ABTB2: variants seen among roughly 807,000 people sequenced by gnomAD.
The protein encoded by ABTB2 is ankyrin repeat and BTB/POZ domain-containing protein 2.
Under a neutral mutation model 104.1 loss-of-function variants are expected in ABTB2, and 56 were observed. The ratio of observed to expected loss-of-function variants is 0.54; its 90% CI spans 0.43 to 0.67. ABTB2 has a LOEUF of 0.67. ABTB2 is among the 30% of genes least tolerant of loss of function. The pLI is 0.00. For missense variants in ABTB2, 1,279 were observed against 1,407.7 expected, an observed-to-expected ratio of 0.91 and a Z score of 1.46; for synonymous variants, 606 against 608.2, an observed-to-expected ratio of 1.00 and a Z score of 0.05.
intron 1 of ABTB2, among the ~76,000 whole-genome samples, chr11:34,299,748 C>T (rs1438374296): frequency 6.6e-6 from 1 of 152,222 alleles, no homozygotes; most frequent in Non-Finnish European, 1.5e-5. Flanking sequence ...TCATCTGGGG[C>T]TCCCAATCTG....
At chr11:34,294,950 G>A (rs977339626) in intron 1 of ABTB2, among the ~76,000 whole-genome samples, 13 of 151,552 alleles carry the variant, frequency 8.6e-5, no homozygotes, top group Admixed American at 2.0e-4. Context: ...TCCTGACCTC[G>A]TGATCCACCC....
rs571241150 is a variant in ABTB2, at chr11:34,210,130, A to G, written c.884-5440T>C. ...CTGGTGGACTGCACTTTGGGATGAC[A>G]AGCCAGACTTCTAAAGGGTTTTTAG... On this transcript the variant is annotated intron_variant, in intron 1 of 16. Coordinates refer to ENST00000435224, the MANE Select transcript of ABTB2 (RefSeq NM_145804.3). Among the ~76,000 whole-genome samples the G allele has an allele frequency of 1.1e-4, 17 of 152,240 alleles. No individual in the cohort carries two copies. In the South Asian group the frequency reaches 3.5e-3, roughly 32 times the overall value.
rs1296873237 is a variant in ABTB2 at position 34,159,368 on chromosome 11, G to C, written c.2625C>G (p.Thr875=). ...TGTCCCCATCCTGTTCTGATTTATT[G>C]GTCATTAGTGTCTTGAACCTGGAGC... ...TASNRFKTLM[T]NKSEQDGDSS... is the part of the protein sequence containing the mutation. Residue 875 remains threonine (T), a synonymous_variant, in exon 14 of 17, where the codon ACC becomes ACG. Coordinates refer to ENST00000435224, the MANE Select transcript of ABTB2 (RefSeq NM_145804.3). 4.3e-6 allele frequency: 7 copies of C among 1,613,636 alleles called. No individual in the cohort carries two copies. The highest frequency in any genetic ancestry group is 5.9e-6 in the Non-Finnish European group (7 of 1,179,656).
At chr11:34,273,429 G>T (rs1378856847) in intron 1 of ABTB2, among the ~76,000 whole-genome samples, 1 of 152,194 alleles carries the variant, frequency 6.6e-6, no homozygotes, top group Admixed American at 6.5e-5. Context: ...AGAGTAAGCT[G>T]GCAGGGGATG....
rs116023920 is a variant in ABTB2 at position 34,348,991 on chromosome 11, A to G, written c.883+7710T>C. On this transcript the variant is annotated intron_variant, in intron 1 of 16. Transcript: ENST00000435224. ...CTGGCACTCAGTGAGCAGTTGATTAATGATGCCGGCATGGCATTCCTCAGG... is the reference window on the plus strand; with the variant it reads ...CTGGCACTCAGTGAGCAGTTGATTAGTGATGCCGGCATGGCATTCCTCAGG... Among the ~76,000 whole-genome samples, 209 of 152,296 alleles carry G rather than the reference A, an allele frequency of 1.4e-3. 2 individuals carry two copies. The highest frequency in any genetic ancestry group is 4.9e-3 in the African/African-American group (202 of 41,568).
chr11:34,152,781 G>T (rs1326818688), intron 16 of ABTB2, among the ~76,000 whole-genome samples, 197 bp from the exon 17 acceptor site: 2 of 152,156 alleles, frequency 1.3e-5, no homozygotes, highest in Non-Finnish European at 2.9e-5. Flanking sequence ...TTTCCTGCCT[G>T]TGTCATACTG....
In ABTB2 at chr11:34,173,228, C is replaced by T. The variant is rs142265495; in HGVS notation, c.1324G>A (p.Val442Met). Residue 442 changes from valine to methionine, a missense_variant, in exon 4 of 17, where the codon GTG (valine) becomes ATG (methionine). By Grantham distance (21) the Val-to-Met change is conservative. Coordinates refer to ENST00000435224, the MANE Select transcript of ABTB2 (RefSeq NM_145804.3). ...TYAEHRRSLT[V>M]DSGDIRQAAR... ...GCCTGCCGGATGTCGCCGCTGTCCA[C>T]GGTGAGGCTGCGGCGGTGCTCTGCG... The T allele has an allele frequency of 3.8e-5, 62 of 1,613,306 alleles. No homozygotes were observed. The highest frequency in any genetic ancestry group is 5.0e-5 in the Admixed American group (3 of 59,944).
chr11:34,162,898 C>T, intron 9 of ABTB2, 93 bp from the exon 10 acceptor site: 1 of 1,280,406 alleles, frequency 7.8e-7, no homozygotes, highest in Non-Finnish European at 1.1e-6. Flanking sequence ...CCCCGACGGG[C>T]TGCTCTGGGG....
chr11:34,261,179 A>G (rs1237479843), intron 1 of ABTB2, among the ~76,000 whole-genome samples: 3 of 152,052 alleles, frequency 2.0e-5, no homozygotes, highest in Non-Finnish European at 2.9e-5. Flanking sequence ...ATCTCTCTCA[A>G]TCACGCTCAC....
At chr11:34,202,406 G>T (rs527811931) in intron 2 of ABTB2, among the ~76,000 whole-genome samples, 1 of 152,158 alleles carries the variant, frequency 6.6e-6, no homozygotes, top group African/African-American at 2.4e-5. Flanking sequence ...AGAGGATGAA[G>T]TGATGAAGTC....
chr11:34,191,806 A>G (rs954518258), intron 3 of ABTB2, among the ~76,000 whole-genome samples: 1 of 152,172 alleles, frequency 6.6e-6, no homozygotes, highest in African/African-American at 2.4e-5. Context: ...AGGTCCGCCC[A>G]CTTCTGTGCT....
At chr11:34,335,082 C>T in intron 1 of ABTB2, 1 of 964,280 alleles carries the variant, frequency 1.0e-6, no homozygotes, top group Non-Finnish European at 1.7e-6. Context: ...ATATTACATA[C>T]AAATAATACA....
intron 1 of ABTB2, among the ~76,000 whole-genome samples, chr11:34,296,941 G>C (rs994057580): frequency 6.6e-6 from 1 of 152,260 alleles, no homozygotes; most frequent in African/African-American, 2.4e-5. Context: ...CCCAACTTCT[G>C]CACAGCTCTG....
intron 1 of ABTB2, among the ~76,000 whole-genome samples, chr11:34,281,420 C>T (rs752440070): frequency 1.3e-5 from 2 of 152,206 alleles, no homozygotes; most frequent in Non-Finnish European, 2.9e-5. Flanking sequence ...CAGGGTGTGG[C>T]TCAATACATA....
rs190624295 is a variant in ABTB2 at position 34,163,032 on chromosome 11, C to T, written c.1989-227G>A. ...GCAGGGGAACCCACCCTTCTACCATCCCCGTATTGCAGAGAAGCCATAGGC... is the reference window on the plus strand; with the variant it reads ...GCAGGGGAACCCACCCTTCTACCATTCCCGTATTGCAGAGAAGCCATAGGC... On this transcript the variant is annotated intron_variant, in intron 9 of 16. Transcript: ENST00000435224. 3.3e-5 allele frequency among the ~76,000 whole-genome samples: 5 copies of T among 152,326 alleles called. 1 individual carries two copies. The highest frequency in any genetic ancestry group is 3.3e-4 in the Admixed American group (5 of 15,302).
At chr11:34,308,696 C>G (rs1319919889) in intron 1 of ABTB2, among the ~76,000 whole-genome samples, 1 of 151,588 alleles carries the variant, frequency 6.6e-6, no homozygotes, top group East Asian at 1.9e-4. Flanking sequence ...ATGGTGAAAC[C>G]CTGTCTGCAC....
In ABTB2 at chr11:34,357,841, C is replaced by T; in HGVS notation, c.-258G>A. 1 of 481,364 alleles carries T rather than the reference C, an allele frequency of 2.1e-6. No homozygotes were observed. 29.8% of individuals were successfully genotyped at this position (481,364 alleles called of 1,614,324 possible). A position where few individuals can be genotyped will look rare whatever the true frequency, so the allele number is the denominator to read the frequency against. On this transcript the variant is annotated 5_prime_UTR_variant, in exon 1 of 17. It adds an upstream start codon to the 5' untranslated region. Transcript: ENST00000435224. ...AGAACCCCGTCGCTACCCCCCGGCA[C>T]TCCCCCTTGTCCACCTCTAATTCCC...
chr11:34,330,899 T>C (rs1855121795), intron 1 of ABTB2, among the ~76,000 whole-genome samples: 1 of 152,346 alleles, frequency 6.6e-6, no homozygotes, highest in African/African-American at 2.4e-5. Context: ...TCTGCAAAAG[T>C]ACAGGTAAGA....
intron 1 of ABTB2, among the ~76,000 whole-genome samples, chr11:34,320,817 A>G (rs1432794134): frequency 6.6e-6 from 1 of 152,168 alleles, no homozygotes; most frequent in Non-Finnish European, 1.5e-5. Context: ...ATCTTCCCCA[A>G]TACCATTTGT....
Sources: gnomAD v4.1 joint callset for allele counts (sites outside exome capture counted in the v4.1 genomes callset) on GRCh38, gnomAD v4.1.1 for gene constraint, MANE v1.5 for transcripts, NCBI Gene and HGNC (gene_info 2026-07-23, HGNC 2026-07-21) for gene names.